The following PHF24 variants were observed in gnomAD, a reference collection of about 807,000 sequenced individuals.
PHF24 encodes the protein Galpha inhibitory interacting protein.
PHF24 carries 25 observed loss-of-function variants against 42.6 expected under a neutral mutation model. That is an observed-to-expected ratio of 0.59 (90% CI 0.43 to 0.82). The LOEUF is 0.82. PHF24 is among the 40% of genes least tolerant of loss of function. PHF24 has a pLI of 0.00. For missense variants in PHF24, 470 were observed against 538.1 expected (o/e 0.87, Z 1.25); for synonymous variants, 185 against 204.8 (o/e 0.90, Z 0.83).
chr9:34,977,119 G>C, exon 6 of PHF24: 1 of 1,612,494 alleles, frequency 6.2e-7, no homozygotes, highest in Non-Finnish European at 8.5e-7. Context: ...GAAGGAGCGG[G>C]AGCGAGCCCG....
At chr9:34,715,745 TG>T in the PHF24 span, among the ~76,000 whole-genome samples, 1 of 152,154 alleles carries the variant, frequency 6.6e-6, no homozygotes, top group Non-Finnish European at 1.5e-5. Context: ...ACTGAGATCC[TG>T]GGAGGGGGAG....
At chr9:34,870,690 C>T in the PHF24 span, among the ~76,000 whole-genome samples, 2 of 151,950 alleles carry the variant, frequency 1.3e-5, no homozygotes, top group Admixed American at 6.6e-5. Context: ...AGCTCAGCCT[C>T]CCAAGTAACT....
At chr9:34,930,850 A>G in the PHF24 span, among the ~76,000 whole-genome samples, 4 of 152,346 alleles carry the variant, frequency 2.6e-5, no homozygotes, top group Non-Finnish European at 5.9e-5. Context: ...AAATTGGGAA[A>G]CTGCATCCCA....
chr9:34,672,215 G>C, the PHF24 span, among the ~76,000 whole-genome samples: 3 of 152,070 alleles, frequency 2.0e-5, no homozygotes, highest in Non-Finnish European at 4.4e-5. Flanking sequence ...GGGGCTGTCA[G>C]CTACAGTGCT....
At chr9:34,818,559 A>G in the PHF24 span, among the ~76,000 whole-genome samples, 3 of 152,074 alleles carry the variant, frequency 2.0e-5, no homozygotes, top group Non-Finnish European at 2.9e-5. Context: ...ATTTTTTTAT[A>G]TATTGTTCAA....
the PHF24 span, among the ~76,000 whole-genome samples, chr9:34,859,364 G>A: frequency 6.6e-6 from 1 of 152,108 alleles, no homozygotes; most frequent in Non-Finnish European, 1.5e-5. Context: ...TTTGAGGGGG[G>A]AATTGAAAAC....
At chr9:34,677,847 C>G in the PHF24 span, among the ~76,000 whole-genome samples, 1 of 152,212 alleles carries the variant, frequency 6.6e-6, no homozygotes, top group African/African-American at 2.4e-5. Context: ...GCCATCTCCT[C>G]CTCGTCCATT....
chr9:34,893,206 GA>G, the PHF24 span: 1 of 473,864 alleles, frequency 2.1e-6, no homozygotes, highest in Admixed American at 3.5e-5. Context: ...TGCCTTCTCG[GA>G]AAAGTGTGGG....
chr9:34,959,403 G>A (rs1322359360), intron 1 of PHF24, among the ~76,000 whole-genome samples: 1 of 152,202 alleles, frequency 6.6e-6, no homozygotes, highest in Non-Finnish European at 1.5e-5. Context: ...TTGAGACTCA[G>A]AGAGGTTTAG....
chr9:34,971,436 C>T (rs763990519), exon 2 of PHF24: 8 of 1,614,146 alleles, frequency 5.0e-6, no homozygotes, highest in Non-Finnish European at 6.8e-6. Context: ...CCCGCCGTGG[C>T]ACTGTAGAGG....
chr9:34,972,321 G>A lies in PHF24; in HGVS notation c.379-25G>A, dbSNP rs1315416120. ...TTGCTGCCTACATTTACACATCCCT[G>A]TTTCCTCCTGCCATCTTTCTGCAGG... On this transcript the variant is annotated intron_variant, in intron 2 of 7. Coordinates refer to ENST00000242315, the Ensembl canonical transcript of PHF24. 1.9e-6 allele frequency: 3 copies of A among 1,582,574 alleles called. No homozygotes were observed. In the Admixed American group the frequency reaches 5.2e-5, roughly 27 times the overall value.
chr9:34,718,582 A>G, the PHF24 span, among the ~76,000 whole-genome samples: 10 of 152,326 alleles, frequency 6.6e-5, no homozygotes, highest in East Asian at 1.9e-3. Context: ...CCTGGCCTAG[A>G]CCATGGGCTC....
chr9:34,770,752 G>A, the PHF24 span, among the ~76,000 whole-genome samples: 12 of 150,386 alleles, frequency 8.0e-5, no homozygotes, highest in East Asian at 3.9e-4. Flanking sequence ...TTTTGAAACC[G>A]TGTGAGTGTA....
chr9:34,857,568 C>T, the PHF24 span, among the ~76,000 whole-genome samples: 1 of 152,176 alleles, frequency 6.6e-6, no homozygotes, highest in African/African-American at 2.4e-5. Context: ...GGATCCATGC[C>T]ACTCCTGGGT....
the PHF24 span, among the ~76,000 whole-genome samples, chr9:34,929,435 G>T: frequency 6.6e-6 from 1 of 152,166 alleles, no homozygotes; most frequent in Admixed American, 6.5e-5. Context: ...CCACAAGGGT[G>T]GGACTCCCTT....
chr9:34,896,789 C>T, the PHF24 span, among the ~76,000 whole-genome samples: 7 of 152,132 alleles, frequency 4.6e-5, no homozygotes, highest in African/African-American at 1.7e-4. Flanking sequence ...GGCATGTCCC[C>T]AACACCCTAG....
chr9:34,754,436 G>A, the PHF24 span, among the ~76,000 whole-genome samples: 65 of 152,152 alleles, frequency 4.3e-4, no homozygotes, highest in African/African-American at 1.6e-3. Context: ...CTCAACATAA[G>A]TGATCATCAG....
At chr9:34,852,733 A>G in the PHF24 span, among the ~76,000 whole-genome samples, 1 of 152,048 alleles carries the variant, frequency 6.6e-6, no homozygotes, top group Non-Finnish European at 1.5e-5. Flanking sequence ...CAGTTTCATT[A>G]TGATATGTTT....
At chr9:34,768,315 A>T in the PHF24 span, among the ~76,000 whole-genome samples, 2 of 152,216 alleles carry the variant, frequency 1.3e-5, no homozygotes, top group African/African-American at 4.8e-5. Context: ...TACGGCTCAA[A>T]TATGGGCCTC....
Sources: gnomAD v4.1 joint callset for allele counts (sites outside exome capture counted in the v4.1 genomes callset) on GRCh38, gnomAD v4.1.1 for gene constraint, MANE v1.5 for transcripts, NCBI Gene and HGNC (gene_info 2026-07-23, HGNC 2026-07-21) for gene names.